Variants in PVT1 observed in about 807,000 individuals in gnomAD.
PVT1 encodes the protein CXCR4/PVT1 fusion.
At chr8:128,008,224 T>G (rs1157881624) in intron 4 of PVT1, among the ~76,000 whole-genome samples, 1 of 152,224 alleles carries the variant, frequency 6.6e-6, no homozygotes, top group Non-Finnish European at 1.5e-5. Flanking sequence ...CTTTTGTAGT[T>G]ACTGTGAAAT....
chr8:127,973,432 TG>T (rs1816786698), intron 3 of PVT1, among the ~76,000 whole-genome samples: 1 of 152,148 alleles, frequency 6.6e-6, no homozygotes, highest in Non-Finnish European at 1.5e-5. Flanking sequence ...ACTGAGGTCA[TG>T]GGGGTAAAAT....
rs556889127 is a variant in PVT1, at chr8:127,982,406, C to G, written n.783-6756C>G. Reference sequence around the variant, plus strand: ...AGAGGATGTGTAGCATAGTGAGCAACAGCTGTGTGCCGGGGACTCAGCATT... The same window carrying G: ...AGAGGATGTGTAGCATAGTGAGCAAGAGCTGTGTGCCGGGGACTCAGCATT... On this transcript the variant is annotated intron_variant and non_coding_transcript_variant, in intron 3 of 10. Coordinates refer to ENST00000651587, the Ensembl canonical transcript of PVT1. Among the ~76,000 whole-genome samples, 4 of 152,274 alleles carry G rather than the reference C, an allele frequency of 2.6e-5. No individual in the cohort carries two copies. The East Asian group carries it at 7.7e-4, about 29-fold the overall frequency.
chr8:127,994,361 T>A lies in PVT1; in HGVS notation n.912+5070T>A, dbSNP rs1220557789. 5.3e-5 allele frequency among the ~76,000 whole-genome samples: 8 copies of A among 152,306 alleles called. No homozygotes were observed. The East Asian group carries it at 1.5e-3, about 29-fold the overall frequency. Reference sequence around the variant, plus strand: ...GAACCCACCTCCCCAGCACCTTGTGTGGTGACTGGCAGGAGGTAGCCATTC... The same window carrying A: ...GAACCCACCTCCCCAGCACCTTGTGAGGTGACTGGCAGGAGGTAGCCATTC... On this transcript the variant is annotated intron_variant and non_coding_transcript_variant, in intron 4 of 10. Transcript: ENST00000651587.
At chr8:128,085,632 C>A (rs1373610205) in intron 5 of PVT1, among the ~76,000 whole-genome samples, 1 of 152,148 alleles carries the variant, frequency 6.6e-6, no homozygotes, top group Non-Finnish European at 1.5e-5. Flanking sequence ...AATATTTTCT[C>A]AAACTTAAGA....
chr8:127,860,587 A>AC (rs1217412541), intron 2 of PVT1, among the ~76,000 whole-genome samples: 1 of 151,572 alleles, frequency 6.6e-6, no homozygotes, highest in Non-Finnish European at 1.5e-5. Context: ...ACATGGTGAA[A>AC]CCCCGTCTCT....
chr8:127,849,153 G>C (rs1352361485), intron 2 of PVT1, among the ~76,000 whole-genome samples: 1 of 152,154 alleles, frequency 6.6e-6, no homozygotes, highest in Admixed American at 6.5e-5. Context: ...CCAAAGACAA[G>C]GGAAGGGGGT....
intron 5 of PVT1, among the ~76,000 whole-genome samples, chr8:128,085,781 G>A (rs1814248688): frequency 2.6e-5 from 4 of 152,192 alleles, no homozygotes; most frequent in Non-Finnish European, 5.9e-5. Context: ...TTGAAAAGAT[G>A]TATGTCTTAG....
chr8:127,991,422 G>C (rs1392096231), intron 4 of PVT1, among the ~76,000 whole-genome samples: 1 of 152,048 alleles, frequency 6.6e-6, no homozygotes, highest in Non-Finnish European at 1.5e-5. Context: ...TTGACCCTCA[G>C]GGACAGTCAC....
chr8:127,985,337 G>C (rs1240289478), intron 3 of PVT1, among the ~76,000 whole-genome samples: 1 of 151,802 alleles, frequency 6.6e-6, no homozygotes, highest in Admixed American at 6.6e-5. Context: ...CAGCCTTCCA[G>C]GCTGGTTTCA....
chr8:127,957,297 G>A (rs953841152), intron 3 of PVT1, among the ~76,000 whole-genome samples: 9 of 152,102 alleles, frequency 5.9e-5, no homozygotes, highest in Non-Finnish European at 1.0e-4. Flanking sequence ...GGCTGGACAC[G>A]GTGGCTCATG....
intron 3 of PVT1, among the ~76,000 whole-genome samples, chr8:127,892,850 G>A (rs372694972): frequency 9.9e-5 from 15 of 152,136 alleles, no homozygotes; most frequent in Admixed American, 4.6e-4. Flanking sequence ...AGTTGGGAAA[G>A]ACAGAGGCAG....
chr8:127,860,889 A>C (rs1210001322), intron 2 of PVT1, among the ~76,000 whole-genome samples: 1 of 152,052 alleles, frequency 6.6e-6, no homozygotes, highest in Non-Finnish European at 1.5e-5. Context: ...TCTCAAGGGC[A>C]AGGGGCTCCT....
At chr8:128,050,747 C>T (rs1303750156) in intron 4 of PVT1, among the ~76,000 whole-genome samples, 3 of 152,190 alleles carry the variant, frequency 2.0e-5, no homozygotes, top group African/African-American at 4.8e-5. Flanking sequence ...TGAGAAGAAC[C>T]TGTCTAAAGG....
At position 127,900,599 on chromosome 8, in the gene PVT1, C is replaced by T. The variant is rs186075987; in HGVS notation, n.782+9601C>T. ...TTTCCTCTTTTCTCCCGGCGCTATG[C>T]TGGGCAGATGATGCTACTATGCTTG... On this transcript the variant is annotated intron_variant and non_coding_transcript_variant, in intron 3 of 10. Coordinates refer to ENST00000651587, the Ensembl canonical transcript of PVT1. Among the ~76,000 whole-genome samples the T allele has an allele frequency of 2.0e-5, 3 of 152,342 alleles. No individual in the cohort carries two copies. The East Asian group carries it at 5.8e-4, about 29-fold the overall frequency.
intron 4 of PVT1, among the ~76,000 whole-genome samples, chr8:127,998,535 TTCTCTCTCTCTC>T (rs34462486): frequency 1.1e-3 from 151 of 143,562 alleles, no homozygotes; most frequent in African/African-American, 3.8e-3. Flanking sequence ...CCTTCTTTCT[TTCTCTCTCTCTC>T]TCTCTCTCTC....
At chr8:128,034,141 G>T (rs949023004) in intron 4 of PVT1, among the ~76,000 whole-genome samples, 1 of 150,456 alleles carries the variant, frequency 6.6e-6, no homozygotes, top group Non-Finnish European at 1.5e-5. Context: ...ATAGAAACAA[G>T]ATGTTCTCTA....
chr8:127,909,986 G>A (rs978758887), intron 3 of PVT1, among the ~76,000 whole-genome samples: 5 of 152,102 alleles, frequency 3.3e-5, no homozygotes, highest in African/African-American at 4.8e-5. Context: ...CATACCTGTA[G>A]CACCAGAGTG....
intron 2 of PVT1, among the ~76,000 whole-genome samples, chr8:127,829,944 T>C (rs1406475455): frequency 7.9e-5 from 12 of 152,238 alleles, no homozygotes; most frequent in African/African-American, 2.9e-4. Context: ...TGGCAATCTC[T>C]GGCTTGTGGC....
At chr8:128,003,214 C>T (rs574667767) in intron 4 of PVT1, among the ~76,000 whole-genome samples, 4 of 137,270 alleles carry the variant, frequency 2.9e-5, no homozygotes, top group Non-Finnish European at 6.2e-5. Flanking sequence ...ATCCTGCCTC[C>T]CTCCCTCCCT....
Sources: gnomAD v4.1 joint callset for allele counts (sites outside exome capture counted in the v4.1 genomes callset) on GRCh38, gnomAD v4.1.1 for gene constraint, MANE v1.5 for transcripts, NCBI Gene and HGNC (gene_info 2026-07-23, HGNC 2026-07-21) for gene names.